The following AOAH variants were observed in gnomAD, a reference collection of about 807,000 sequenced individuals.
The protein encoded by AOAH is acyloxyacyl hydrolase (neutrophil).
Under a neutral mutation model 92.2 loss-of-function variants are expected in AOAH, and 64 were observed. The ratio of observed to expected loss-of-function variants is 0.69; its 90% CI spans 0.57 to 0.86. The LOEUF is 0.86. AOAH is among the 40% of genes least tolerant of loss of function. The pLI is 0.00. For synonymous variants in AOAH, 263 were observed against 254.5 expected, an observed-to-expected ratio of 1.03 and a Z score of -0.32; for missense variants, 656 against 694.6, an observed-to-expected ratio of 0.94 and a Z score of 0.62.
At chr7:36,632,313 G>T (rs1471138081) in intron 5 of AOAH, among the ~76,000 whole-genome samples, 2 of 152,058 alleles carry the variant, frequency 1.3e-5, no homozygotes, top group East Asian at 3.9e-4. Context: ...GGGCTCCTCA[G>T]CCCGAAGCCT....
intron 11 of AOAH, among the ~76,000 whole-genome samples, chr7:36,616,096 G>A (rs1223937581): frequency 6.6e-6 from 1 of 152,188 alleles, no homozygotes; most frequent in Non-Finnish European, 1.5e-5. Flanking sequence ...GGGGAAGCCG[G>A]CCCGGTGGGC....
intron 12 of AOAH, among the ~76,000 whole-genome samples, chr7:36,591,061 G>T (rs759164286): frequency 2.0e-5 from 3 of 151,280 alleles, no homozygotes; most frequent in Non-Finnish European, 3.0e-5. Flanking sequence ...GCTTAATGGG[G>T]GAATCCATTG....
At chr7:36,558,283 G>A (rs1327769610) in intron 13 of AOAH, among the ~76,000 whole-genome samples, 2 of 152,220 alleles carry the variant, frequency 1.3e-5, no homozygotes, top group Non-Finnish European at 2.9e-5. Flanking sequence ...ATCAGCAGCA[G>A]TGTCTGCAGA....
At chr7:36,573,152 AG>A (rs1202954887) in intron 13 of AOAH, among the ~76,000 whole-genome samples, 2 of 152,354 alleles carry the variant, frequency 1.3e-5, no homozygotes, top group East Asian at 3.9e-4. Context: ...CAGGAGAGGA[AG>A]GGCTCTGCTC....
intron 13 of AOAH, among the ~76,000 whole-genome samples, chr7:36,556,397 C>T (rs994885801): frequency 5.3e-5 from 8 of 152,178 alleles, no homozygotes; most frequent in Non-Finnish European, 7.4e-5. Flanking sequence ...GAGAGCTTTA[C>T]TTCCAACTAT....
chr7:36,628,351 G>A (rs1017968354), intron 6 of AOAH, among the ~76,000 whole-genome samples: 1 of 152,116 alleles, frequency 6.6e-6, no homozygotes, highest in Non-Finnish European at 1.5e-5. Flanking sequence ...TAGGCACTAG[G>A]TATCCTGATT....
At chr7:36,535,112 G>A (rs1396665113) in intron 16 of AOAH, among the ~76,000 whole-genome samples, 2 of 150,912 alleles carry the variant, frequency 1.3e-5, no homozygotes, top group Non-Finnish European at 3.0e-5. Context: ...GTGTGTCTGT[G>A]TCTGTGTGTG....
intron 1 of AOAH, among the ~76,000 whole-genome samples, chr7:36,714,055 A>T (rs1482565462): frequency 2.0e-5 from 3 of 152,300 alleles, no homozygotes; most frequent in African/African-American, 7.2e-5. Context: ...TTTTGAAAAG[A>T]TCAACAAAAT....
intron 1 of AOAH, among the ~76,000 whole-genome samples, chr7:36,710,505 C>T (rs909913275): frequency 2.6e-5 from 4 of 152,196 alleles, no homozygotes; most frequent in Non-Finnish European, 5.9e-5. Flanking sequence ...GACTGAAGCC[C>T]TGGCCAACAT....
chr7:36,689,053 G>A lies in AOAH; in HGVS notation c.128-2259C>T, dbSNP rs1281465718. Among the ~76,000 whole-genome samples the A allele has an allele frequency of 6.6e-4, 100 of 152,270 alleles. 3 individuals are homozygous for A. The highest frequency in any genetic ancestry group is 6.5e-3 in the Admixed American group (100 of 15,292). The stretch of plus-strand genomic sequence containing the variant: ...AGTGAAGAGCCACATAAGTTGCACT[G>A]CAGTGGTTGGTTGCTGGGGGCTCCC... On this transcript the variant is annotated intron_variant, in intron 1 of 20. Transcript: ENST00000617537.
intron 11 of AOAH, among the ~76,000 whole-genome samples, chr7:36,616,171 G>A (rs535684694): frequency 6.6e-6 from 1 of 152,234 alleles, no homozygotes; most frequent in South Asian, 2.1e-4. Context: ...GTTCCTGGCA[G>A]CAGCTGGGCT....
intron 4 of AOAH, among the ~76,000 whole-genome samples, chr7:36,651,616 C>T (rs750805234): frequency 3.3e-5 from 5 of 152,166 alleles, no homozygotes; most frequent in Non-Finnish European, 7.3e-5. Context: ...CTAAAGCTGC[C>T]TTTAATTCCC....
intron 15 of AOAH, 65 bp from the exon 16 acceptor site, chr7:36,540,556 G>A (rs1785356653): frequency 1.8e-5 from 25 of 1,390,750 alleles, no homozygotes; most frequent in Non-Finnish European, 2.3e-5. Flanking sequence ...CAAGTTGCAC[G>A]CAAATACAAG....
At chr7:36,620,967 T>G (rs554033790) in intron 8 of AOAH, 138 bp from the exon 9 acceptor site, 1 of 747,256 alleles carries the variant, frequency 1.3e-6, no homozygotes, top group Non-Finnish European at 2.3e-6. Flanking sequence ...CTTCATGGAA[T>G]AGCATCACAT....
intron 10 of AOAH, among the ~76,000 whole-genome samples, chr7:36,617,250 G>A (rs756442625): frequency 6.6e-6 from 1 of 152,220 alleles, no homozygotes. Context: ...AATGGGGACT[G>A]AGAAGGCCCA....
At chr7:36,712,587 C>A (rs972579883) in intron 1 of AOAH, among the ~76,000 whole-genome samples, 2 of 151,962 alleles carry the variant, frequency 1.3e-5, no homozygotes, top group African/African-American at 4.8e-5. Flanking sequence ...TAGTCGACCC[C>A]TGGGTTACCC....
chr7:36,629,776 G>T (rs1227043597), intron 6 of AOAH, among the ~76,000 whole-genome samples: 1 of 152,160 alleles, frequency 6.6e-6, no homozygotes, highest in Non-Finnish European at 1.5e-5. Flanking sequence ...ATGTTCAGTG[G>T]ACTTAGTACT....
chr7:36,523,931 C>T (rs1428050523), intron 19 of AOAH, among the ~76,000 whole-genome samples: 1 of 152,062 alleles, frequency 6.6e-6, no homozygotes, highest in African/African-American at 2.4e-5. Flanking sequence ...TCTCTTTGTC[C>T]TTTTATGGTC....
At chr7:36,540,572 T>C in intron 15 of AOAH, 81 bp from the exon 16 acceptor site, 1 of 1,248,380 alleles carries the variant, frequency 8.0e-7, no homozygotes, top group Non-Finnish European at 1.1e-6. Flanking sequence ...ACAAGATACA[T>C]CACACACACA....
Sources: allele counts gnomAD v4.1 joint callset (sites outside exome capture counted in the v4.1 genomes callset), GRCh38; gene constraint gnomAD v4.1.1; transcripts MANE v1.5; gene names NCBI Gene and HGNC (gene_info 2026-07-23, HGNC 2026-07-21).